CUX1: variants seen among roughly 807,000 people sequenced by gnomAD.
CUX1 encodes protein CASP.
CUX1 carries 31 observed loss-of-function variants against 158.8 expected under a neutral mutation model. That is an observed-to-expected ratio of 0.20 (90% CI 0.15 to 0.26). The LOEUF is 0.26. Among genes scored for constraint, CUX1 ranks in the 10% least tolerant of loss-of-function variants. CUX1 has a pLI of 1.00. For synonymous variants in CUX1, 879 were observed against 862.1 expected, an observed-to-expected ratio of 1.02 and a Z score of -0.34; for missense variants, 1,589 against 2,014.6, an observed-to-expected ratio of 0.79 and a Z score of 4.04.
intron 4 of CUX1, among the ~76,000 whole-genome samples, chr7:102,075,020 G>A (rs867801331): frequency 2.6e-5 from 4 of 152,216 alleles, no homozygotes; most frequent in Middle Eastern, 6.8e-3. Context: ...CACCACACCT[G>A]GCTAATTTTT....
intron 4 of CUX1, among the ~76,000 whole-genome samples, chr7:102,096,901 TG>T (rs1554484372): frequency 1.3e-5 from 2 of 152,190 alleles, no homozygotes; most frequent in African/African-American, 4.8e-5. Context: ...CCGTGAACTG[TG>T]TGGCGTTCTC....
chr7:101,975,862 C>T (rs1423179580), intron 2 of CUX1, among the ~76,000 whole-genome samples: 1 of 152,018 alleles, frequency 6.6e-6, no homozygotes, highest in Non-Finnish European at 1.5e-5. Flanking sequence ...GAATTAAGGC[C>T]GGGCACAGCT....
chr7:102,009,723 A>C (rs1817776979), intron 2 of CUX1, among the ~76,000 whole-genome samples: 1 of 152,210 alleles, frequency 6.6e-6, no homozygotes, highest in African/African-American at 2.4e-5. Context: ...GTTCTTCTGC[A>C]CACCAGCGTG....
chr7:102,154,437 C>G (rs1237034895), intron 8 of CUX1: 2 of 150,288 alleles, frequency 1.3e-5, no homozygotes, highest in African/African-American at 4.9e-5. Context: ...TGGCAAACCC[C>G]CATCTGTACC....
chr7:101,849,210 T>C (rs1275254613), intron 1 of CUX1, among the ~76,000 whole-genome samples: 1 of 152,114 alleles, frequency 6.6e-6, no homozygotes, highest in African/African-American at 2.4e-5. Flanking sequence ...GTTTGTGACA[T>C]AGGTAAACTT....
At chr7:102,162,104 C>T (rs528568941) in intron 9 of CUX1, among the ~76,000 whole-genome samples, 74 of 151,840 alleles carry the variant, frequency 4.9e-4, no homozygotes, top group Non-Finnish European at 8.2e-4. Flanking sequence ...GGAATAATTT[C>T]AGGAATCTGG....
chr7:102,097,793 C>T (rs1465443671), intron 5 of CUX1, among the ~76,000 whole-genome samples: 1 of 152,196 alleles, frequency 6.6e-6, no homozygotes, highest in African/African-American at 2.4e-5. Flanking sequence ...ATTGGGTCTG[C>T]CTCTTGAAAG....
intron 4 of CUX1, among the ~76,000 whole-genome samples, chr7:102,092,251 G>A (rs1828653371): frequency 6.6e-6 from 1 of 151,938 alleles, no homozygotes; most frequent in Non-Finnish European, 1.5e-5. Context: ...TTCCTGTTCT[G>A]CCTCTCCTTC....
intron 2 of CUX1, among the ~76,000 whole-genome samples, chr7:101,938,283 T>G (rs952280521): frequency 2.6e-5 from 4 of 152,094 alleles, no homozygotes; most frequent in African/African-American, 9.7e-5. Flanking sequence ...CAGCTAATTT[T>G]TTGCAGAGAC....
chr7:102,195,550 G>T lies in CUX1; in HGVS notation c.1169G>T (p.Arg390Leu), dbSNP rs1554518036. Reference protein sequence around the residue: ...PLEVLLLEKNRSLQSENAALR... With the variant: ...PLEVLLLEKNLSLQSENAALR... Reference sequence around the variant, plus strand: ...GAGGTGCTGTTGCTGGAGAAGAACCGCTCGCTGCAGTCCGAGAACGCCGCG... The same window carrying T: ...GAGGTGCTGTTGCTGGAGAAGAACCTCTCGCTGCAGTCCGAGAACGCCGCG... The change falls in exon 14 of 24, where the codon CGC becomes CTC. Residue 390 changes from arginine to leucine, a missense_variant. By Grantham distance (102) the Arg-to-Leu change is moderately radical. This residue lies in a region of CUX1 where 515 missense variants were observed against 574.4 expected (regional missense o/e 0.90). Coordinates refer to ENST00000292535, the MANE Select transcript of CUX1 (RefSeq NM_181552.4). 2.5e-6 allele frequency: 4 copies of T among 1,612,920 alleles called. No individual in the cohort carries two copies. The South Asian group carries it at 3.3e-5, about 13-fold the overall frequency.
At chr7:102,211,159 G>T (rs563739170) in intron 20 of CUX1, among the ~76,000 whole-genome samples, 1 of 152,104 alleles carries the variant, frequency 6.6e-6, no homozygotes, top group Non-Finnish European at 1.5e-5. Context: ...TCTAAAGCAG[G>T]CAGGGGCCAG....
chr7:102,030,689 G>GTTTTTTTTTTTTTTTTTTTTTTTTTTTT (rs1585341128), intron 3 of CUX1, among the ~76,000 whole-genome samples: 7 of 82,538 alleles, frequency 8.5e-5, no homozygotes, highest in African/African-American at 3.7e-4. Flanking sequence ...ATTTTAAAAA[G>GTTTTTTTTTTTTTTTTTTTTTTTTTTTT]TGTTTTTTTT....
In CUX1 at chr7:102,257,007, C is replaced by T. The variant is rs184156879; in HGVS notation, c.*7965C>T. The T allele has an allele frequency of 2.2e-3, 2,153 of 985,386 alleles. 4 individuals are homozygous for T. Among genetic ancestry groups the T allele is most frequent in the Non-Finnish European group, 2.4e-3 (1,993 of 829,944 alleles). The allele number at this position is 985,386 out of a possible 1,614,324, so 61.0% of individuals were successfully genotyped here. A position where few individuals can be genotyped will look rare whatever the true frequency, so the allele number is the denominator to read the frequency against. Reference sequence around the variant, plus strand: ...CCCCTTTCCCCTATAGGTGGTTCAACGTGGAGGAAGGTTGGGTGTGGAGAT... The same window carrying T: ...CCCCTTTCCCCTATAGGTGGTTCAATGTGGAGGAAGGTTGGGTGTGGAGAT... On this transcript the variant is annotated 3_prime_UTR_variant, in exon 24 of 24. Transcript: ENST00000292535.
At chr7:101,945,656 G>A (rs1269899353) in intron 2 of CUX1, among the ~76,000 whole-genome samples, 1 of 152,170 alleles carries the variant, frequency 6.6e-6, no homozygotes, top group Middle Eastern at 3.2e-3. Context: ...GGGACTGTGG[G>A]GAAGACCTGG....
At position 101,817,804 on chromosome 7, in the gene CUX1, T is replaced by A; in HGVS notation, c.30+135T>A. On this transcript the variant is annotated intron_variant, in intron 1 of 23. Coordinates refer to ENST00000292535, the MANE Select transcript of CUX1 (RefSeq NM_181552.4). The surrounding 1 kb of genome is among the most constrained non-coding windows in gnomAD (Gnocchi z 4.1). Reference sequence around the variant, plus strand: ...CTCTGGGAGGGGATAGGAGGGTTCCTCAGGGCCCCTGGGGAACTGCAGCTA... The same window carrying A: ...CTCTGGGAGGGGATAGGAGGGTTCCACAGGGCCCCTGGGGAACTGCAGCTA... 4 of 1,041,784 alleles carry A rather than the reference T, an allele frequency of 3.8e-6. No individual in the cohort carries two copies. The highest frequency in any genetic ancestry group is 5.4e-6 in the Non-Finnish European group (4 of 743,802). The allele number at this position is 1,041,784 out of a possible 1,614,324, so 64.5% of individuals were successfully genotyped here. A position where few individuals can be genotyped will look rare whatever the true frequency, so the allele number is the denominator to read the frequency against.
chr7:101,996,196 A>G (rs780129097), intron 2 of CUX1, among the ~76,000 whole-genome samples: 5 of 152,036 alleles, frequency 3.3e-5, no homozygotes, highest in Non-Finnish European at 7.4e-5. Flanking sequence ...GAGAGAGAAC[A>G]TCTTACCCCA....
chr7:102,106,624 A>G (rs1830389001), intron 6 of CUX1, among the ~76,000 whole-genome samples: 1 of 152,108 alleles, frequency 6.6e-6, no homozygotes, highest in Admixed American at 6.6e-5. Flanking sequence ...CCCATTCCCT[A>G]GAAATTTCTG....
At chr7:102,084,251 A>T (rs1283060083) in intron 4 of CUX1, among the ~76,000 whole-genome samples, 7 of 135,554 alleles carry the variant, frequency 5.2e-5, no homozygotes, top group African/African-American at 1.8e-4. Context: ...TTCATATATT[A>T]TATAATTTTT....
At chr7:102,129,225 G>A (rs1449640910) in intron 8 of CUX1, among the ~76,000 whole-genome samples, 1 of 152,184 alleles carries the variant, frequency 6.6e-6, no homozygotes, top group African/African-American at 2.4e-5. Context: ...GCCACAGCTG[G>A]GGCACCCAGG....
Sources: gnomAD v4.1 joint callset for allele counts (sites outside exome capture counted in the v4.1 genomes callset) on GRCh38, gnomAD v4.1.1 for gene constraint, gnomAD v4.1.1 regional missense constraint, Gnocchi (gnomAD v3.1) non-coding constraint, MANE v1.5 for transcripts, NCBI Gene and HGNC (gene_info 2026-07-23, HGNC 2026-07-21) for gene names.